Variants in DNAH11 observed in about 807,000 individuals in gnomAD.
DNAH11 encodes the protein dynein axonemal heavy chain 11, also known as axonemal beta dynein heavy chain 11.
In DNAH11, 442 loss-of-function variants were observed where a neutral mutation model predicts 526.0. The ratio of observed to expected loss-of-function variants is 0.84; its 90% CI spans 0.78 to 0.91. The LOEUF is 0.91. Among genes scored for constraint, DNAH11 ranks in the 40% least tolerant of loss-of-function variants. The pLI, the probability that DNAH11 is intolerant of heterozygous loss-of-function variation, is 0.00. For synonymous variants in DNAH11, 2,461 were observed against 1,935.9 expected, an observed-to-expected ratio of 1.27 and a Z score of -7.12; for missense variants, 6,989 against 5,448.7, an observed-to-expected ratio of 1.28 and a Z score of -8.90.
rs773755540 is a variant in DNAH11, at chr7:21,779,068, C to G, written c.9447C>G (p.Ser3149Arg). 1.9e-6 allele frequency: 3 copies of G among 1,613,082 alleles called. No homozygotes were observed. The South Asian group carries it at 3.3e-5, about 18-fold the overall frequency. Residue 3149 changes from serine (S) to arginine (R), a missense_variant, in exon 57 of 82, where the codon AGC becomes AGG. Physicochemically the swap from Ser to Arg is moderately radical, Grantham distance 110. Transcript: ENST00000409508. ...TCGGCCTTCAGACGGAGAAAGTGAGCCGGGAAAAGACCATCGCTGATGCTG... is the reference window on the plus strand; with the variant it reads ...TCGGCCTTCAGACGGAGAAAGTGAGGCGGGAAAAGACCATCGCTGATGCTG... ...TKIGLQTEKV[S>R]REKTIADAEE...
chr7:21,661,130 T>A (rs2128466524), intron 30 of DNAH11, among the ~76,000 whole-genome samples: 1 of 152,228 alleles, frequency 6.6e-6, no homozygotes, highest in Middle Eastern at 3.4e-3. Context: ...GATCATTTAT[T>A]CTGTTCTCCA....
In DNAH11 at chr7:21,807,958, C is replaced by A. The variant is rs779964310; in HGVS notation, c.10241C>A (p.Thr3414Lys). The A allele has an allele frequency of 3.1e-6, 5 of 1,608,340 alleles. No homozygotes were observed. The highest frequency in any genetic ancestry group is 2.6e-6 in the Non-Finnish European group (3 of 1,176,404). ...EKTLCGDVLL[T>K]AAFVSYVGPF... The stretch of plus-strand genomic sequence containing the variant: ...ACACTCTGTGGAGATGTTCTTCTCA[C>A]GGCGGCATTTGTGTCTTACGTCGGA... Residue 3414 changes from threonine (T) to lysine (K), a missense_variant, in exon 63 of 82, where the codon ACG becomes AAG. Physicochemically the swap from Thr to Lys is moderately conservative, Grantham distance 78 (BLOSUM62 -1). Coordinates refer to ENST00000409508, the MANE Select transcript of DNAH11 (RefSeq NM_001277115.2).
At chr7:21,696,369 C>T (rs75544386) in intron 35 of DNAH11, among the ~76,000 whole-genome samples, 18 of 151,942 alleles carry the variant, frequency 1.2e-4, no homozygotes, top group Admixed American at 4.6e-4. Context: ...AATTATTTTC[C>T]CTAATAGTTA....
intron 2 of DNAH11, among the ~76,000 whole-genome samples, chr7:21,546,323 G>C (rs780024067): frequency 8.5e-5 from 13 of 152,196 alleles, no homozygotes; most frequent in Non-Finnish European, 1.5e-4. Context: ...ATTGGCTTTA[G>C]CTGATTTCAG....
intron 6 of DNAH11, among the ~76,000 whole-genome samples, chr7:21,566,047 C>T (rs767499444): frequency 6.6e-6 from 1 of 152,148 alleles, no homozygotes. Context: ...AAAACTACGA[C>T]CACCACTTCC....
intron 76 of DNAH11, 82 bp downstream of exon 76, chr7:21,884,492 A>T (rs781488045): frequency 1.4e-6 from 2 of 1,382,084 alleles, no homozygotes; most frequent in Non-Finnish European, 1.9e-6. Flanking sequence ...TAATTATACT[A>T]TGGGCAATTC....
intron 30 of DNAH11, among the ~76,000 whole-genome samples, chr7:21,667,870 A>G (rs1193626553): frequency 6.6e-6 from 1 of 152,194 alleles, no homozygotes; most frequent in Non-Finnish European, 1.5e-5. Flanking sequence ...AAAATAATTT[A>G]GAAAACTCAA....
At chr7:21,855,984 G>A (rs1782832511) in intron 68 of DNAH11, among the ~76,000 whole-genome samples, 1 of 152,138 alleles carries the variant, frequency 6.6e-6, no homozygotes, top group South Asian at 2.1e-4. Context: ...TATTTCTGAA[G>A]GATAAGTAGG....
chr7:21,847,435 C>G (rs973926763), intron 66 of DNAH11, among the ~76,000 whole-genome samples: 24 of 152,238 alleles, frequency 1.6e-4, no homozygotes, highest in African/African-American at 5.5e-4. Context: ...GAGACTTCTT[C>G]TTTGACCCAT....
intron 25 of DNAH11, among the ~76,000 whole-genome samples, chr7:21,621,780 G>A (rs1461183593): frequency 6.6e-6 from 1 of 152,036 alleles, no homozygotes; most frequent in Non-Finnish European, 1.5e-5. Flanking sequence ...CAACCTTCAT[G>A]CTAAAACTCA....
Position 21,736,477 on chromosome 7 carries a change from C to A in DNAH11, c.7645+633C>A, listed in dbSNP as rs193098832. 2.4e-3 allele frequency among the ~76,000 whole-genome samples: 369 copies of A among 152,304 alleles called. 2 individuals carry two copies. The highest frequency in any genetic ancestry group is 8.4e-3 in the African/African-American group (350 of 41,560). On this transcript the variant is annotated intron_variant, in intron 46 of 81. Coordinates refer to ENST00000409508, the MANE Select transcript of DNAH11 (RefSeq NM_001277115.2). ...GGCTCTGTTGGGGGGCAACCAGACT[C>A]TCTGATATCCGGTTGTTTATTAAAA... is the stretch of plus-strand genomic sequence containing the variant.
At chr7:21,548,360 A>T (rs565471942) in intron 2 of DNAH11, among the ~76,000 whole-genome samples, 1 of 152,334 alleles carries the variant, frequency 6.6e-6, no homozygotes, top group South Asian at 2.1e-4. Context: ...TTTGTTGAAT[A>T]TAATAGATAT....
At chr7:21,722,305 C>T (rs1784910792) in intron 44 of DNAH11, among the ~76,000 whole-genome samples, 1 of 152,172 alleles carries the variant, frequency 6.6e-6, no homozygotes, top group Admixed American at 6.5e-5. Flanking sequence ...AAAGCCACAC[C>T]TTCCATGGTA....
At chr7:21,635,149 TG>T (rs1786797884) in intron 25 of DNAH11, among the ~76,000 whole-genome samples, 2 of 93,882 alleles carry the variant, frequency 2.1e-5, no homozygotes, top group East Asian at 6.6e-4. Context: ...GCAGTTTGTT[TG>T]TTTGTTTGTT....
chr7:21,730,196 A>T (rs1054088396), intron 45 of DNAH11, among the ~76,000 whole-genome samples: 14 of 152,342 alleles, frequency 9.2e-5, no homozygotes, highest in Non-Finnish European at 1.6e-4. Context: ...CTGCAGCACT[A>T]GTCACAATAG....
chr7:21,644,365 C>T (rs1419795708), intron 28 of DNAH11, among the ~76,000 whole-genome samples: 2 of 152,140 alleles, frequency 1.3e-5, no homozygotes, highest in Admixed American at 6.5e-5. Context: ...AATAATCATT[C>T]ATAGTATGCC....
intron 14 of DNAH11, among the ~76,000 whole-genome samples, chr7:21,593,347 G>A (rs1038206178): frequency 6.6e-6 from 1 of 152,184 alleles, no homozygotes; most frequent in Non-Finnish European, 1.5e-5. Context: ...GAAGCTTGGT[G>A]GGAGTGGGCT....
At chr7:21,674,200 T>C (rs12700292) in intron 30 of DNAH11, among the ~76,000 whole-genome samples, 89,398 of 151,502 alleles carry the variant, frequency 0.59, 26,655 homozygotes, top group Admixed American at 0.69. Flanking sequence ...CCTGGAGTTA[T>C]AGGCGTGATC....
intron 30 of DNAH11, among the ~76,000 whole-genome samples, chr7:21,661,909 T>G (rs1782256699): frequency 6.6e-6 from 1 of 151,994 alleles, no homozygotes. Context: ...AACCTCTACC[T>G]TCCAGGTCAA....
Sources: allele counts gnomAD v4.1 joint callset (sites outside exome capture counted in the v4.1 genomes callset), GRCh38; gene constraint gnomAD v4.1.1; transcripts MANE v1.5; gene names NCBI Gene and HGNC (gene_info 2026-07-23, HGNC 2026-07-21).